Variants in COMMD1 observed in about 807,000 individuals in gnomAD.
The protein encoded by COMMD1 is COMM domain-containing protein 1.
In COMMD1, 10 loss-of-function variants were observed where a neutral mutation model predicts 17.2. The observed-to-expected ratio is 0.58, with a 90% CI of 0.36 to 0.99. The LOEUF is 0.99. COMMD1 is among the 50% of genes least tolerant of loss of function. The probability of loss-of-function intolerance (pLI) is 0.01; values close to 1 mark genes in which losing one functional copy is unlikely to be tolerated. For synonymous variants in COMMD1, 97 were observed against 91.6 expected (o/e 1.06, Z -0.34); for missense variants, 270 against 231.8 (o/e 1.17, Z -1.07).
chr2:62,091,934 AC>A (rs1050781391), intron 2 of COMMD1, among the ~76,000 whole-genome samples: 12 of 152,302 alleles, frequency 7.9e-5, no homozygotes, highest in Non-Finnish European at 1.5e-4. Context: ...TAATAGAGGT[AC>A]CCTAAAAACT....
At chr2:62,033,433 A>G (rs1558570476) in intron 2 of COMMD1, among the ~76,000 whole-genome samples, 1 of 152,188 alleles carries the variant, frequency 6.6e-6, no homozygotes, top group Non-Finnish European at 1.5e-5. Context: ...TTGGGAGAGA[A>G]CAGAAAAATA....
At chr2:61,906,782 A>G (rs901007947) in intron 1 of COMMD1, among the ~76,000 whole-genome samples, 1 of 152,220 alleles carries the variant, frequency 6.6e-6, no homozygotes, top group African/African-American at 2.4e-5. Flanking sequence ...CCCATGGTAA[A>G]GATTTAAGAA....
chr2:62,070,548 T>TA (rs70946779), intron 2 of COMMD1, among the ~76,000 whole-genome samples: 76,813 of 130,968 alleles, frequency 0.59, 22,718 homozygotes, highest in African/African-American at 0.62. Context: ...ACCCTGTCTC[T>TA]AAAAAAAAAA....
chr2:61,971,468 A>T (rs1295733297), intron 1 of COMMD1, among the ~76,000 whole-genome samples: 1 of 152,196 alleles, frequency 6.6e-6, no homozygotes, highest in Non-Finnish European at 1.5e-5. Flanking sequence ...GTGAGCTGGT[A>T]CTGATAATGC....
chr2:62,020,329 A>G (rs1399459384), intron 2 of COMMD1, among the ~76,000 whole-genome samples: 2 of 152,220 alleles, frequency 1.3e-5, no homozygotes, highest in African/African-American at 4.8e-5. Context: ...TGATTAAAAT[A>G]CAGGTCTGGA....
At chr2:62,039,388 C>CT (rs1426349607) in intron 2 of COMMD1, among the ~76,000 whole-genome samples, 1 of 152,224 alleles carries the variant, frequency 6.6e-6, no homozygotes, top group African/African-American at 2.4e-5. Flanking sequence ...GTGCTCTTCC[C>CT]TTTTACCTGA....
chr2:62,016,210 T>C (rs920830643), intron 2 of COMMD1, among the ~76,000 whole-genome samples: 2 of 143,586 alleles, frequency 1.4e-5, no homozygotes, highest in Admixed American at 6.9e-5. Context: ...TCTTTTCTTT[T>C]TTTTTTTTTT....
chr2:62,094,126 A>T (rs1321087246), intron 2 of COMMD1, among the ~76,000 whole-genome samples: 2 of 152,172 alleles, frequency 1.3e-5, no homozygotes, highest in Non-Finnish European at 2.9e-5. Flanking sequence ...GATATTAGTT[A>T]GTAGATTGCA....
chr2:61,940,640 C>CAAAT (rs1352872164), intron 1 of COMMD1, among the ~76,000 whole-genome samples: 1 of 152,046 alleles, frequency 6.6e-6, no homozygotes, highest in East Asian at 1.9e-4. Context: ...CAGTCTAGGG[C>CAAAT]AAATAGTGAA....
intron 1 of COMMD1, among the ~76,000 whole-genome samples, chr2:61,998,653 G>C (rs1002743940): frequency 2.0e-5 from 3 of 152,200 alleles, no homozygotes; most frequent in Non-Finnish European, 4.4e-5. Flanking sequence ...TTGGCTAGCT[G>C]TCTGGCACAG....
At chr2:62,120,982 A>C (rs1672726958) in intron 2 of COMMD1, among the ~76,000 whole-genome samples, 1 of 150,166 alleles carries the variant, frequency 6.7e-6, no homozygotes, top group Non-Finnish European at 1.5e-5. Context: ...GAGCTCGGGC[A>C]ATCTACACAC....
intron 1 of COMMD1, among the ~76,000 whole-genome samples, chr2:61,934,681 T>G (rs1005459126): frequency 6.6e-6 from 1 of 152,178 alleles, no homozygotes; most frequent in African/African-American, 2.4e-5. Flanking sequence ...GATGTGAAAT[T>G]GAGAGGCAAA....
chr2:61,967,034 T>A (rs1351532852), intron 1 of COMMD1, among the ~76,000 whole-genome samples: 1 of 152,190 alleles, frequency 6.6e-6, no homozygotes, highest in Non-Finnish European at 1.5e-5. Flanking sequence ...GCCAGCATCT[T>A]ATTTTCTTCT....
At chr2:61,937,559 C>G (rs540050528) in intron 1 of COMMD1, among the ~76,000 whole-genome samples, 1 of 152,188 alleles carries the variant, frequency 6.6e-6, no homozygotes, top group Admixed American at 6.5e-5. Context: ...CATTCATTAC[C>G]CCTTATAATT....
At chr2:61,911,424 C>T (rs1162870809) in intron 1 of COMMD1, among the ~76,000 whole-genome samples, 1 of 151,962 alleles carries the variant, frequency 6.6e-6, no homozygotes, top group Admixed American at 6.6e-5. Flanking sequence ...TGCAGTGAGC[C>T]GGGATGGCAC....
At chr2:61,888,599 C>T, upstream of COMMD1, 1 of 1,400,768 alleles carries the variant, frequency 7.1e-7, no homozygotes, top group East Asian at 2.5e-5. Context: ...GCCCTCACTG[C>T]CTTCACGAAC....
chr2:61,951,191 C>T (rs1671043987), intron 1 of COMMD1, among the ~76,000 whole-genome samples: 1 of 152,260 alleles, frequency 6.6e-6, no homozygotes, highest in African/African-American at 2.4e-5. Flanking sequence ...CGGCTGGGCA[C>T]AGTGGCTTAT....
chr2:61,972,353 A>C (rs768350351), intron 1 of COMMD1, among the ~76,000 whole-genome samples: 1 of 152,104 alleles, frequency 6.6e-6, no homozygotes, highest in Non-Finnish European at 1.5e-5. Context: ...GCTTGTTTTA[A>C]TATATTATAG....
At chr2:62,095,466 A>G (rs1671974507) in intron 2 of COMMD1, among the ~76,000 whole-genome samples, 1 of 152,132 alleles carries the variant, frequency 6.6e-6, no homozygotes, top group Non-Finnish European at 1.5e-5. Context: ...CATGTTATCA[A>G]GTCACTTTTT....
Sources: gnomAD v4.1 joint callset for allele counts (sites outside exome capture counted in the v4.1 genomes callset) on GRCh38, gnomAD v4.1.1 for gene constraint, MANE v1.5 for transcripts, NCBI Gene and HGNC (gene_info 2026-07-23, HGNC 2026-07-21) for gene names.